Variants in SSH1 observed in about 807,000 individuals in gnomAD.
SSH1 encodes slingshot protein phosphatase 1.
SSH1 carries 43 observed loss-of-function variants against 79.7 expected under a neutral mutation model. That is an observed-to-expected ratio of 0.54 (90% confidence interval 0.42 to 0.70). The LOEUF (loss-of-function observed/expected upper bound fraction) is 0.70, where lower values mean the gene tolerates loss of function less well. Ranked by LOEUF, SSH1 falls within the 30% of genes least tolerant of loss-of-function variation. The pLI is 0.00. For synonymous variants in SSH1, 599 were observed against 538.3 expected (o/e 1.11, Z -1.56); for missense variants, 1,206 against 1,358.8 (o/e 0.89, Z 1.77).
intron 5 of SSH1, among the ~76,000 whole-genome samples, chr12:108,814,270 G>A (rs146348600): frequency 2.4e-4 from 36 of 151,992 alleles, no homozygotes; most frequent in African/African-American, 8.7e-4. Flanking sequence ...TGCTGCAGGA[G>A]CCGCCATTCC....
chr12:108,798,859 C>A (rs908659433), intron 13 of SSH1, 141 bp downstream of exon 13: 3 of 922,756 alleles, frequency 3.3e-6, no homozygotes, highest in Non-Finnish European at 3.5e-6. Flanking sequence ...CTGGCTCCCC[C>A]TGAGAGGCAG....
chr12:108,840,866 C>G (rs1445276577), intron 2 of SSH1, among the ~76,000 whole-genome samples: 1 of 152,216 alleles, frequency 6.6e-6, no homozygotes, highest in Non-Finnish European at 1.5e-5. Flanking sequence ...AGTAGCCCGG[C>G]TGGTTTTCTC....
At chr12:108,841,652 A>G (rs886747920) in intron 2 of SSH1, among the ~76,000 whole-genome samples, 6 of 152,024 alleles carry the variant, frequency 3.9e-5, no homozygotes, top group African/African-American at 1.5e-4. Flanking sequence ...TACTAAAAAT[A>G]CGAAAAATTA....
chr12:108,799,288 G>T, intron 12 of SSH1, 88 bp from the exon 13 acceptor site: 1 of 1,103,232 alleles, frequency 9.1e-7, no homozygotes, highest in Non-Finnish European at 1.3e-6. Flanking sequence ...CATTCTCTCA[G>T]GTTTTACCCG....
At chr12:108,829,917 C>T (rs1018654799) in intron 2 of SSH1, among the ~76,000 whole-genome samples, 3 of 151,994 alleles carry the variant, frequency 2.0e-5, no homozygotes, top group Non-Finnish European at 4.4e-5. Context: ...ACCTGGGCAA[C>T]GTAACAAGAT....
chr12:108,852,055 T>A (rs912277556), intron 2 of SSH1, among the ~76,000 whole-genome samples: 1 of 151,934 alleles, frequency 6.6e-6, no homozygotes, highest in African/African-American at 2.4e-5. Flanking sequence ...TAGAAAATAA[T>A]AAGTTACCAA....
intron 2 of SSH1, among the ~76,000 whole-genome samples, chr12:108,852,360 C>T (rs1475050402): frequency 1.3e-5 from 2 of 151,816 alleles, no homozygotes; most frequent in Non-Finnish European, 2.9e-5. Context: ...CCCCAAGTAG[C>T]TGGGACTACA....
chr12:108,822,644 T>C (rs1480382885), intron 3 of SSH1, among the ~76,000 whole-genome samples: 1 of 152,220 alleles, frequency 6.6e-6, no homozygotes, highest in Non-Finnish European at 1.5e-5. Context: ...TCTTTCTAAC[T>C]GCCTTCAGCT....
intron 2 of SSH1, among the ~76,000 whole-genome samples, chr12:108,842,944 C>T (rs966953475): frequency 1.3e-5 from 2 of 152,202 alleles, no homozygotes; most frequent in Non-Finnish European, 2.9e-5. Context: ...ACAAGGCAAT[C>T]ACAGAGTGGA....
At chr12:108,831,481 G>A (rs892351679) in intron 2 of SSH1, among the ~76,000 whole-genome samples, 3 of 152,178 alleles carry the variant, frequency 2.0e-5, no homozygotes, top group African/African-American at 7.2e-5. Context: ...TTCCACCCAT[G>A]CCACAGACCA....
chr12:108,803,270 G>A (rs935621561), intron 10 of SSH1, among the ~76,000 whole-genome samples: 1 of 151,426 alleles, frequency 6.6e-6, no homozygotes, highest in African/African-American at 2.4e-5. Flanking sequence ...TCTATTTTCA[G>A]ACTTTCTGCA....
chr12:108,832,323 G>T (rs940312089), intron 2 of SSH1, among the ~76,000 whole-genome samples: 1 of 127,202 alleles, frequency 7.9e-6, no homozygotes, highest in African/African-American at 3.0e-5. Context: ...CAAAAGAAAA[G>T]AAAAGAAAGA....
intron 5 of SSH1, among the ~76,000 whole-genome samples, chr12:108,815,294 G>A (rs2037832794): frequency 6.6e-6 from 1 of 152,186 alleles, no homozygotes; most frequent in Non-Finnish European, 1.5e-5. Context: ...CCACCCCAGG[G>A]GGATGAAGGG....
chr12:108,857,502 C>G lies in SSH1; in HGVS notation c.-6G>C. 1 of 1,131,848 alleles carries G rather than the reference C, an allele frequency of 8.8e-7. No homozygotes were observed. The allele number at this position is 1,131,848 out of a possible 1,614,324, so 70.1% of individuals were successfully genotyped here. A position where few individuals can be genotyped will look rare whatever the true frequency, so the allele number is the denominator to read the frequency against. On this transcript the variant is annotated 5_prime_UTR_variant, in exon 1 of 15. Coordinates refer to ENST00000326495, the MANE Select transcript of SSH1 (RefSeq NM_018984.4). The surrounding 1 kb of genome is among the most constrained non-coding windows in gnomAD (Gnocchi z 4.7). ...TGCAGGGTCACCAGGGCCATGGCTG[C>G]GGCGCGGTGCGAGGGCGCCACAGAC...
chr12:108,849,137 G>A (rs1356561684), intron 2 of SSH1, among the ~76,000 whole-genome samples: 2 of 152,162 alleles, frequency 1.3e-5, no homozygotes, highest in African/African-American at 2.4e-5. Flanking sequence ...GCCACCAACC[G>A]GGAAAACCCC....
In SSH1 at chr12:108,816,934, G is replaced by A. The variant is rs975083047; in HGVS notation, c.401+104C>T. The A allele has an allele frequency of 4.0e-5, 62 of 1,552,402 alleles. No homozygotes were observed. In the Admixed American group the frequency reaches 5.5e-4, roughly 14 times the overall value. ...GACTCCCCAGGCTCTCCATCAGGAC[G>A]CAGCCCTCTCCCACCTCTGATGGAT... On this transcript the variant is annotated intron_variant, in intron 5 of 14. Coordinates refer to ENST00000326495, the MANE Select transcript of SSH1 (RefSeq NM_018984.4).
At position 108,787,158 on chromosome 12, in the gene SSH1, T is replaced by C. The variant is rs1234959352; in HGVS notation, c.*830A>G. On this transcript the variant is annotated 3_prime_UTR_variant, in exon 15 of 15. Coordinates refer to ENST00000326495, the MANE Select transcript of SSH1 (RefSeq NM_018984.4). ...TGAGCAATTTCAAACCTAAACACAA[T>C]CATGTGTTTCAGCAGCAGACACTCA... is the stretch of plus-strand genomic sequence containing the variant. The C allele has an allele frequency of 1.3e-5, 2 of 151,988 alleles. No individual in the cohort carries two copies. Among genetic ancestry groups the C allele is most frequent in the Non-Finnish European group, 2.9e-5 (2 of 68,038 alleles). 9.4% of individuals were successfully genotyped at this position (151,988 alleles called of 1,614,324 possible). A position where few individuals can be genotyped will look rare whatever the true frequency, so the allele number is the denominator to read the frequency against.
chr12:108,792,744 A>G lies in SSH1; in HGVS notation c.1435T>C (p.Phe479Leu), dbSNP rs2036567348. The change falls in exon 14 of 15, where the codon TTC (phenylalanine) becomes CTC (leucine). Residue 479 changes from phenylalanine (F) to leucine (L), a missense_variant. Phe to Leu is a conservative substitution (Grantham distance 22). Around this residue, in one of 5 missense-constraint regions of SSH1, gnomAD observed 709 missense variants for 730.6 expected, o/e 0.97. Coordinates refer to ENST00000326495, the MANE Select transcript of SSH1 (RefSeq NM_018984.4). The part of the protein sequence containing the change: ...PVDDPAGPGD[F>L]LPETPDGTPE... ...GTGCCATCTGGGGTCTCTGGCAAGA[A>G]GTCGCCAGGTCCTGCAGGGTCATCC... The G allele has an allele frequency of 1.2e-6, 2 of 1,613,936 alleles. No homozygotes were observed. Among genetic ancestry groups the G allele is most frequent in the African/African-American group, 2.7e-5 (2 of 75,070 alleles).
At chr12:108,839,260 T>C (rs1208915687) in intron 2 of SSH1, among the ~76,000 whole-genome samples, 1 of 152,008 alleles carries the variant, frequency 6.6e-6, no homozygotes, top group Admixed American at 6.5e-5. Flanking sequence ...TGGGGCCTGG[T>C]CAGGAGTCCC....
Sources: gnomAD v4.1 joint callset for allele counts (sites outside exome capture counted in the v4.1 genomes callset) on GRCh38, gnomAD v4.1.1 for gene constraint, gnomAD v4.1.1 regional missense constraint, Gnocchi (gnomAD v3.1) non-coding constraint, MANE v1.5 for transcripts, NCBI Gene and HGNC (gene_info 2026-07-23, HGNC 2026-07-21) for gene names.